Variants in GFPT2 observed in about 807,000 individuals in gnomAD.
GFPT2 encodes the protein glutamine--fructose-6-phosphate transaminase 2, also known as glutamine--fructose-6-phosphate aminotransferase [isomerizing] 2.
Under a neutral mutation model 85.6 loss-of-function variants are expected in GFPT2, and 62 were observed. The observed-to-expected ratio is 0.72, with a 90% CI of 0.59 to 0.90. GFPT2 has a LOEUF of 0.90. Among genes scored for constraint, GFPT2 ranks in the 40% least tolerant of loss-of-function variants. GFPT2 has a pLI of 0.00. For synonymous variants in GFPT2, 368 were observed against 344.5 expected (o/e 1.07, Z -0.75); for missense variants, 788 against 893.4 (o/e 0.88, Z 1.50).
intron 9 of GFPT2, among the ~76,000 whole-genome samples, chr5:180,322,130 G>A (rs1479447759): frequency 2.0e-5 from 3 of 152,166 alleles, no homozygotes; most frequent in Non-Finnish European, 2.9e-5. Flanking sequence ...AATAATTTGG[G>A]TAGAGTCAAT....
intron 1 of GFPT2, among the ~76,000 whole-genome samples, chr5:180,340,248 C>G (rs2127656500): frequency 6.6e-6 from 1 of 152,114 alleles, no homozygotes; most frequent in East Asian, 1.9e-4. Context: ...TTCTTGTTGC[C>G]CAGGCTGGAG....
chr5:180,341,686 C>T (rs1428868766), intron 1 of GFPT2, among the ~76,000 whole-genome samples: 2 of 152,040 alleles, frequency 1.3e-5, no homozygotes, highest in South Asian at 2.1e-4. Flanking sequence ...GCAATTTTCT[C>T]GGTAGGCTAT....
Position 180,330,824 on chromosome 5 carries a change from C to A in GFPT2, c.410G>T (p.Gly137Val). 6.2e-7 allele frequency: 1 copy of A among 1,613,952 alleles called. No homozygotes were observed. Residue 137 changes from glycine (G) to valine (V), a missense_variant, in exon 6 of 19, where the codon GGC becomes GTC. Physicochemically the swap from Gly to Val is moderately radical, Grantham distance 109 (BLOSUM62 -3). Coordinates refer to ENST00000253778, the MANE Select transcript of GFPT2 (RefSeq NM_005110.4). This position sits in a 1 kb window ranked among gnomAD's most constrained non-coding sequence, Gnocchi z 4.4. ...KDLRKFLESK[G>V]YEFESETDTE... Reference sequence around the variant, plus strand: ...ATCTGTTTCTGACTCAAACTCGTAGCCTTTGCTTTCCTGGAATATGCAGTC... The same window carrying A: ...ATCTGTTTCTGACTCAAACTCGTAGACTTTGCTTTCCTGGAATATGCAGTC...
chr5:180,316,852 C>T lies in GFPT2; in HGVS notation c.1064G>A (p.Gly355Asp). ...CTCCTTCAAGTGGTCCTTCAAGCCA[C>T]CCAGGAGCACTGCAGGGCACACGAC... ...VNFETNTVLLGGLKDHLKEIR... is the reference protein window; with the variant it reads ...VNFETNTVLLDGLKDHLKEIR... The change falls in exon 12 of 19, where the codon GGT becomes GAT. Residue 355 changes from glycine to aspartate, a missense_variant. Gly to Asp is a moderately conservative substitution (Grantham distance 94, BLOSUM62 -1). Transcript: ENST00000253778. 4 of 1,613,070 alleles carry T rather than the reference C, an allele frequency of 2.5e-6. No homozygotes were observed. The highest frequency in any genetic ancestry group is 3.4e-6 in the Non-Finnish European group (4 of 1,179,002).
At chr5:180,331,768 T>C (rs1361667716) in intron 4 of GFPT2, 5 of 569,944 alleles carry the variant, frequency 8.8e-6, no homozygotes, top group Non-Finnish European at 1.6e-5. Flanking sequence ...CAGCGGCTAC[T>C]ACAATGGGAT....
At chr5:180,332,139 T>G (rs1764313355) in intron 4 of GFPT2, among the ~76,000 whole-genome samples, 1 of 152,122 alleles carries the variant, frequency 6.6e-6, no homozygotes, top group Non-Finnish European at 1.5e-5. Context: ...ATCTGCCAGC[T>G]GCAGCTTTTC....
chr5:180,322,546 A>G (rs112931413), intron 9 of GFPT2, among the ~76,000 whole-genome samples: 3,891 of 152,322 alleles, frequency 0.026, 71 homozygotes, highest in African/African-American at 0.036. Context: ...CCTGAGAATA[A>G]GGTGGACAAG....
At chr5:180,341,802 G>A (rs572539987) in intron 1 of GFPT2, among the ~76,000 whole-genome samples, 1 of 152,306 alleles carries the variant, frequency 6.6e-6, no homozygotes, top group Admixed American at 6.5e-5. Context: ...CCCCAGTGAG[G>A]GCCGCGCAGC....
intron 17 of GFPT2, among the ~76,000 whole-genome samples, chr5:180,303,122 G>C (rs6887601): frequency 0.06 from 6,477 of 107,398 alleles, 681 homozygotes; most frequent in East Asian, 0.15. Context: ...CCCAGCTACT[G>C]GGGAGGCTGA....
At chr5:180,332,638 A>G (rs1186667905) in intron 4 of GFPT2, among the ~76,000 whole-genome samples, 3 of 152,032 alleles carry the variant, frequency 2.0e-5, no homozygotes, top group Non-Finnish European at 4.4e-5. Context: ...CCCGGGTTCA[A>G]GCGATTCTCC....
intron 2 of GFPT2, among the ~76,000 whole-genome samples, chr5:180,337,350 G>A (rs1764421694): frequency 6.6e-6 from 1 of 151,946 alleles, no homozygotes; most frequent in African/African-American, 2.4e-5. Flanking sequence ...CTACTCGGGA[G>A]GCTGAGGCAG....
intron 4 of GFPT2, among the ~76,000 whole-genome samples, chr5:180,333,026 G>A (rs188558250): frequency 1.7e-3 from 259 of 152,180 alleles, no homozygotes; most frequent in Middle Eastern, 6.8e-3. Context: ...AAAATGGGAG[G>A]GCTTAAATAA....
chr5:180,307,075 G>T, intron 16 of GFPT2, 101 bp downstream of exon 16: 1 of 957,086 alleles, frequency 1.0e-6, no homozygotes, highest in Non-Finnish European at 1.6e-6. Flanking sequence ...CCTTAGGCCC[G>T]GCCCTCCCCA....
intron 2 of GFPT2, 70 bp from the exon 3 acceptor site, chr5:180,336,647 G>C: frequency 9.9e-7 from 1 of 1,007,882 alleles, no homozygotes; most frequent in Non-Finnish European, 1.6e-6. Context: ...CAGGTGCTCC[G>C]CAGGGTCAGG....
intron 10 of GFPT2, among the ~76,000 whole-genome samples, chr5:180,317,270 A>G (rs146200646): frequency 7.9e-4 from 121 of 152,308 alleles, no homozygotes; most frequent in African/African-American, 2.8e-3. Flanking sequence ...AGCTTGAGAA[A>G]GGGAGGGATT....
At position 180,338,572 on chromosome 5, in the gene GFPT2, G is replaced by C; in HGVS notation, c.36C>G (p.Val12=). 1 of 1,609,496 alleles carries C rather than the reference G, an allele frequency of 6.2e-7. No homozygotes were observed. Among genetic ancestry groups the C allele is most frequent in the Non-Finnish European group, 8.5e-7 (1 of 1,175,798 alleles). ...CGIFAYMNYR[V]PRTRKEIFET... is the part of the protein sequence containing the mutation. Reference sequence around the variant, plus strand: ...CGAAGATCTCCTTCCTCGTCCGGGGGACTCTGTAGTTCATGTAGGCAAAGA... The same window carrying C: ...CGAAGATCTCCTTCCTCGTCCGGGGCACTCTGTAGTTCATGTAGGCAAAGA... The change falls in exon 2 of 19, where the codon GTC becomes GTG. Residue 12 remains valine (V), a synonymous_variant. Transcript: ENST00000253778.
chr5:180,315,264 G>A (rs1259128111), intron 13 of GFPT2, among the ~76,000 whole-genome samples: 14 of 151,190 alleles, frequency 9.3e-5, no homozygotes, highest in Non-Finnish European at 1.5e-4. Context: ...TGCAAGCTCC[G>A]CCTCCCGGGT....
At chr5:180,352,453 C>G in intron 1 of GFPT2, 1 of 452,652 alleles carries the variant, frequency 2.2e-6, no homozygotes, top group South Asian at 1.6e-5. Flanking sequence ...TGCAGATGTG[C>G]GCTCCGGGCC....
At chr5:180,313,419 G>A (rs1490546921) in intron 14 of GFPT2, among the ~76,000 whole-genome samples, 3 of 148,120 alleles carry the variant, frequency 2.0e-5, no homozygotes, top group Admixed American at 6.7e-5. Flanking sequence ...GTGAAACCCC[G>A]TCTCTACTAA....
Sources: allele counts gnomAD v4.1 joint callset (sites outside exome capture counted in the v4.1 genomes callset), GRCh38; gene constraint gnomAD v4.1.1; non-coding constraint Gnocchi (gnomAD v3.1); transcripts MANE v1.5; gene names NCBI Gene and HGNC (gene_info 2026-07-23, HGNC 2026-07-21).